The following ZFAND6 variants were observed in gnomAD, a reference collection of about 807,000 sequenced individuals.
The protein encoded by ZFAND6 is zinc finger AN1-type containing 6.
A neutral mutation model predicts 24.5 loss-of-function variants in ZFAND6; 12 were observed. That is an observed-to-expected ratio of 0.49 (90% CI 0.31 to 0.79). ZFAND6 has a LOEUF of 0.79. ZFAND6 is among the 30% of genes least tolerant of loss of function. The probability of loss-of-function intolerance (pLI) is 0.04; values close to 1 mark genes in which losing one functional copy is unlikely to be tolerated. For synonymous variants in ZFAND6, 92 were observed against 81.5 expected (o/e 1.13, Z -0.69); for missense variants, 207 against 245.9 (o/e 0.84, Z 1.06).
At chr15:80,120,531 A>G in intron 3 of ZFAND6, 33 bp downstream of exon 3, 1 of 1,448,652 alleles carries the variant, frequency 6.9e-7, no homozygotes, top group East Asian at 2.5e-5. Context: ...GTCTATATTC[A>G]TAATTGAAAT....
chr15:80,089,340 C>T (rs1448154895), intron 1 of ZFAND6, among the ~76,000 whole-genome samples: 1 of 137,320 alleles, frequency 7.3e-6, no homozygotes, highest in Admixed American at 8.6e-5. Flanking sequence ...CTCACTGTAG[C>T]CTCCACCTCC....
intron 2 of ZFAND6, among the ~76,000 whole-genome samples, chr15:80,101,976 G>T (rs1031853616): frequency 4.6e-5 from 7 of 151,374 alleles, no homozygotes; most frequent in African/African-American, 1.5e-4. Context: ...GTATTTTTTA[G>T]TAGAGAACGG....
intron 2 of ZFAND6, among the ~76,000 whole-genome samples, chr15:80,106,108 G>A (rs542931048): frequency 6.6e-6 from 1 of 152,136 alleles, no homozygotes; most frequent in Admixed American, 6.5e-5. Context: ...AATAGCTAGC[G>A]GAGTGATAGG....
At chr15:80,105,625 A>T (rs1049672557) in intron 2 of ZFAND6, among the ~76,000 whole-genome samples, 2 of 152,206 alleles carry the variant, frequency 1.3e-5, no homozygotes, top group Non-Finnish European at 2.9e-5. Flanking sequence ...CATCATAACT[A>T]TCTTAAATGA....
chr15:80,105,641 T>G (rs1167480763), intron 2 of ZFAND6, among the ~76,000 whole-genome samples: 1 of 152,238 alleles, frequency 6.6e-6, no homozygotes, highest in Non-Finnish European at 1.5e-5. Flanking sequence ...AATGAAGTAC[T>G]TCAGGCTAAG....
At chr15:80,128,532 C>T (rs888918275) in intron 5 of ZFAND6, among the ~76,000 whole-genome samples, 2 of 152,162 alleles carry the variant, frequency 1.3e-5, no homozygotes, top group Admixed American at 6.5e-5. Flanking sequence ...TTAAAACTCA[C>T]ATAAAAACTG....
At chr15:80,070,949 G>A (rs1027878589) in intron 1 of ZFAND6, among the ~76,000 whole-genome samples, 1 of 152,164 alleles carries the variant, frequency 6.6e-6, no homozygotes, top group Non-Finnish European at 1.5e-5. Context: ...TGTCCACACA[G>A]TGGGAAGAAA....
intron 1 of ZFAND6, among the ~76,000 whole-genome samples, chr15:80,088,332 C>T (rs2141885342): frequency 6.6e-6 from 1 of 152,180 alleles, no homozygotes; most frequent in South Asian, 2.1e-4. Context: ...ACTTTTAGGG[C>T]CAAGGTGGGT....
chr15:80,072,817 T>C (rs1400925618), intron 1 of ZFAND6, among the ~76,000 whole-genome samples: 1 of 152,046 alleles, frequency 6.6e-6, no homozygotes, highest in African/African-American at 2.4e-5. Flanking sequence ...AAATAGGTGT[T>C]CAGAGAATCA....
chr15:80,103,191 A>G (rs2039128072), intron 2 of ZFAND6, among the ~76,000 whole-genome samples: 1 of 152,208 alleles, frequency 6.6e-6, no homozygotes, highest in East Asian at 1.9e-4. Flanking sequence ...AGTTTCTTCA[A>G]CTGATTACAA....
intron 5 of ZFAND6, among the ~76,000 whole-genome samples, chr15:80,124,746 G>C (rs944108693): frequency 1.3e-5 from 2 of 152,070 alleles, no homozygotes; most frequent in East Asian, 1.9e-4. Flanking sequence ...GGTTAAACCA[G>C]TATTAACTTG....
At chr15:80,132,432 A>G (rs2040647439) in intron 6 of ZFAND6, among the ~76,000 whole-genome samples, 1 of 152,242 alleles carries the variant, frequency 6.6e-6, no homozygotes, top group Admixed American at 6.5e-5. Context: ...GAAGCCATTC[A>G]TAGTCAAGAG....
chr15:80,093,891 G>GAA (rs2038547706), intron 1 of ZFAND6, among the ~76,000 whole-genome samples: 1 of 152,050 alleles, frequency 6.6e-6, no homozygotes, highest in African/African-American at 2.4e-5. Flanking sequence ...AGAATAATAA[G>GAA]ATTGGGAGGA....
chr15:80,097,065 TCTC>T (rs1159344398), intron 1 of ZFAND6, among the ~76,000 whole-genome samples: 1 of 151,144 alleles, frequency 6.6e-6, no homozygotes, highest in Non-Finnish European at 1.5e-5. Context: ...AGTGGCATGA[TCTC>T]AGCACACTGC....
At chr15:80,101,181 G>T (rs375965298) in intron 2 of ZFAND6, among the ~76,000 whole-genome samples, 1 of 152,100 alleles carries the variant, frequency 6.6e-6, no homozygotes, top group East Asian at 1.9e-4. Flanking sequence ...CTTTACTCCC[G>T]GCTGGGCGTG....
At chr15:80,097,513 T>C (rs2038795110) in intron 1 of ZFAND6, among the ~76,000 whole-genome samples, 1 of 151,954 alleles carries the variant, frequency 6.6e-6, no homozygotes. Context: ...CCAGGCGTGA[T>C]GGTTGGGTGC....
intron 5 of ZFAND6, chr15:80,123,068 C>A (rs1223723822): frequency 2.0e-5 from 6 of 300,596 alleles, no homozygotes; most frequent in Non-Finnish European, 3.1e-5. Context: ...GGCAGTGTTA[C>A]ACTGTTCTCT....
chr15:80,106,157 A>G (rs1432670524), intron 2 of ZFAND6, among the ~76,000 whole-genome samples: 3 of 152,250 alleles, frequency 2.0e-5, no homozygotes, highest in African/African-American at 7.2e-5. Context: ...ACAAAGAGCT[A>G]TGACAAAAGA....
At chr15:80,124,377 G>A (rs949670232) in intron 5 of ZFAND6, among the ~76,000 whole-genome samples, 1 of 149,230 alleles carries the variant, frequency 6.7e-6, no homozygotes, top group Non-Finnish European at 1.5e-5. Flanking sequence ...AGCTTGCGGT[G>A]AGCCGAGATG....
Sources: gnomAD v4.1 joint callset for allele counts (sites outside exome capture counted in the v4.1 genomes callset) on GRCh38, gnomAD v4.1.1 for gene constraint, MANE v1.5 for transcripts, NCBI Gene and HGNC (gene_info 2026-07-23, HGNC 2026-07-21) for gene names.